CIMIP6: variants seen among roughly 807,000 people sequenced by gnomAD.
The protein encoded by CIMIP6 is uncharacterized protein C2orf73.
chr2:54,352,934 G>C, the CIMIP6 span, among the ~76,000 whole-genome samples: 1 of 152,266 alleles, frequency 6.6e-6, no homozygotes, highest in African/African-American at 2.4e-5. Context: ...CTGTACATTA[G>C]ATCTTTTAAA....
At chr2:54,337,233 C>A in the CIMIP6 span, among the ~76,000 whole-genome samples, 4 of 152,176 alleles carry the variant, frequency 2.6e-5, no homozygotes, top group Non-Finnish European at 5.9e-5. Context: ...CTGATGACAT[C>A]TGTTCTTGTC....
the CIMIP6 span, chr2:54,331,042 A>C: frequency 6.2e-7 from 1 of 1,608,718 alleles, no homozygotes; most frequent in South Asian, 1.1e-5. Flanking sequence ...CTTTCCAAAA[A>C]CTATTTTCCT....
At chr2:54,377,586 G>A in the CIMIP6 span, among the ~76,000 whole-genome samples, 3 of 152,132 alleles carry the variant, frequency 2.0e-5, no homozygotes, top group South Asian at 2.1e-4. Flanking sequence ...CCCTGAGATT[G>A]CTACACTGCA....
At chr2:54,340,523 T>C in the CIMIP6 span, among the ~76,000 whole-genome samples, 7 of 152,312 alleles carry the variant, frequency 4.6e-5, no homozygotes, top group East Asian at 1.2e-3. Flanking sequence ...TTTTTAGGCA[T>C]AAGGAAGACT....
chr2:54,367,153 G>T, the CIMIP6 span, among the ~76,000 whole-genome samples: 428 of 152,180 alleles, frequency 2.8e-3, 5 homozygotes, highest in African/African-American at 9.9e-3. Context: ...AATATTAAAA[G>T]ATGTCATTTA....
chr2:54,369,105 C>A, the CIMIP6 span, among the ~76,000 whole-genome samples: 1 of 152,180 alleles, frequency 6.6e-6, no homozygotes, highest in South Asian at 2.1e-4. Flanking sequence ...CTGCAGCCAT[C>A]ACACTGGGTC....
At chr2:54,368,404 A>G in the CIMIP6 span, among the ~76,000 whole-genome samples, 8 of 152,282 alleles carry the variant, frequency 5.3e-5, no homozygotes, top group Non-Finnish European at 7.3e-5. Flanking sequence ...AAGCCCTGTC[A>G]GATGTCTGCT....
chr2:54,348,375 G>C, the CIMIP6 span, among the ~76,000 whole-genome samples: 1 of 152,188 alleles, frequency 6.6e-6, no homozygotes, highest in African/African-American at 2.4e-5. Context: ...TTTAGCTCAA[G>C]AACCTGGCAT....
the CIMIP6 span, chr2:54,360,415 A>G: frequency 1.2e-6 from 2 of 1,603,648 alleles, no homozygotes; most frequent in African/African-American, 1.3e-5. Context: ...CTCACTTATC[A>G]GAAACAGACG....
chr2:54,364,123 A>C, the CIMIP6 span, among the ~76,000 whole-genome samples: 1 of 152,246 alleles, frequency 6.6e-6, no homozygotes, highest in African/African-American at 2.4e-5. Flanking sequence ...GATGATTTCC[A>C]GGTTTAAGTC....
At chr2:54,381,928 G>A in the CIMIP6 span, 2 of 1,549,850 alleles carry the variant, frequency 1.3e-6, no homozygotes, top group South Asian at 1.2e-5. Context: ...AGAGATCACG[G>A]GCATGTTTTT....
At chr2:54,356,834 T>C in the CIMIP6 span, among the ~76,000 whole-genome samples, 1 of 152,190 alleles carries the variant, frequency 6.6e-6, no homozygotes, top group Non-Finnish European at 1.5e-5. Flanking sequence ...TATTACCAAA[T>C]GCATGCTTTG....
At chr2:54,352,672 G>T in the CIMIP6 span, among the ~76,000 whole-genome samples, 1 of 152,048 alleles carries the variant, frequency 6.6e-6, no homozygotes, top group Non-Finnish European at 1.5e-5. Context: ...GGACCCCTGT[G>T]GATACCAAAA....
At chr2:54,358,950 T>G in the CIMIP6 span, 2 of 1,452,110 alleles carry the variant, frequency 1.4e-6, no homozygotes, top group Non-Finnish European at 1.9e-6. Context: ...CACAAAATCT[T>G]TTTTTTAGTA....
At chr2:54,349,953 G>C in the CIMIP6 span, among the ~76,000 whole-genome samples, 1 of 151,730 alleles carries the variant, frequency 6.6e-6, no homozygotes, top group African/African-American at 2.4e-5. Flanking sequence ...GGGCTCAAGA[G>C]ATTCTCCTGC....
At chr2:54,374,646 A>G in the CIMIP6 span, among the ~76,000 whole-genome samples, 1 of 152,254 alleles carries the variant, frequency 6.6e-6, no homozygotes, top group Admixed American at 6.5e-5. Context: ...CAAAATGGGT[A>G]TCGGAAAGAA....
chr2:54,366,485 G>A, the CIMIP6 span, among the ~76,000 whole-genome samples: 1 of 152,120 alleles, frequency 6.6e-6, no homozygotes, highest in Non-Finnish European at 1.5e-5. Flanking sequence ...CAATGATTGA[G>A]CATTTTCTAG....
At chr2:54,350,839 A>C in the CIMIP6 span, among the ~76,000 whole-genome samples, 4 of 152,224 alleles carry the variant, frequency 2.6e-5, no homozygotes, top group Non-Finnish European at 4.4e-5. Flanking sequence ...CTAAATGCAG[A>C]ATTCTGGGTT....
At chr2:54,356,044 C>A in the CIMIP6 span, among the ~76,000 whole-genome samples, 1 of 151,676 alleles carries the variant, frequency 6.6e-6, no homozygotes, top group African/African-American at 2.4e-5. Context: ...GGCCAGAGAG[C>A]TTCTGGTATC....
Sources: gnomAD v4.1 joint callset for allele counts (sites outside exome capture counted in the v4.1 genomes callset) on GRCh38, gnomAD v4.1.1 for gene constraint, MANE v1.5 for transcripts, NCBI Gene and HGNC (gene_info 2026-07-23, HGNC 2026-07-21) for gene names.